CHCHD3: variants seen among roughly 807,000 people sequenced by gnomAD.
CHCHD3 encodes the protein MICOS complex subunit MIC19.
CHCHD3 carries 20 observed loss-of-function variants against 38.2 expected under a neutral mutation model. The observed-to-expected ratio is 0.52, with a 90% CI of 0.37 to 0.76. The LOEUF is 0.76. Ranked by LOEUF, CHCHD3 falls within the 30% of genes least tolerant of loss-of-function variation. The pLI is 0.00. For synonymous variants in CHCHD3, 82 were observed against 100.0 expected, an observed-to-expected ratio of 0.82 and a Z score of 1.07; for missense variants, 245 against 279.2, an observed-to-expected ratio of 0.88 and a Z score of 0.87.
chr7:133,038,811 G>A (rs1813750914), intron 2 of CHCHD3, among the ~76,000 whole-genome samples: 1 of 152,106 alleles, frequency 6.6e-6, no homozygotes, highest in Non-Finnish European at 1.5e-5. Context: ...TACATATTGG[G>A]GTGTTCTAGA....
At chr7:132,843,009 G>A (rs541384880) in intron 5 of CHCHD3, among the ~76,000 whole-genome samples, 11 of 152,244 alleles carry the variant, frequency 7.2e-5, no homozygotes, top group African/African-American at 2.6e-4. Flanking sequence ...GATTACTGTA[G>A]TGTTCTGATG....
At chr7:132,791,062 G>A (rs1806448322) in intron 7 of CHCHD3, among the ~76,000 whole-genome samples, 2 of 152,218 alleles carry the variant, frequency 1.3e-5, no homozygotes, top group South Asian at 4.1e-4. Context: ...GGACTTGGCA[G>A]GACCTCTGAA....
intron 4 of CHCHD3, among the ~76,000 whole-genome samples, chr7:132,954,590 G>A (rs1292345452): frequency 6.6e-6 from 1 of 152,040 alleles, no homozygotes; most frequent in Non-Finnish European, 1.5e-5. Context: ...CTCAACCTGG[G>A]CTGTCTTCAG....
At chr7:132,799,680 G>A (rs898413624) in intron 6 of CHCHD3, among the ~76,000 whole-genome samples, 5 of 152,144 alleles carry the variant, frequency 3.3e-5, no homozygotes, top group African/African-American at 1.2e-4. Context: ...AACATGTTTA[G>A]CAAGAAGAAA....
intron 2 of CHCHD3, among the ~76,000 whole-genome samples, 171 bp from the exon 3 acceptor site, chr7:133,024,798 C>T (rs1265807235): frequency 6.6e-6 from 1 of 152,210 alleles, no homozygotes; most frequent in East Asian, 1.9e-4. Context: ...CCAATTAGTG[C>T]ACTTCAGGAG....
intron 1 of CHCHD3, among the ~76,000 whole-genome samples, chr7:133,074,426 T>C (rs1814917133): frequency 6.6e-6 from 1 of 152,210 alleles, no homozygotes; most frequent in African/African-American, 2.4e-5. Flanking sequence ...TGCATCCTTC[T>C]AACAACTGAC....
In CHCHD3 at chr7:133,035,232, G is replaced by A; in HGVS notation, c.170-10605C>T. 1 of 1,613,732 alleles carries A rather than the reference G, an allele frequency of 6.2e-7. No homozygotes were observed. The highest frequency in any genetic ancestry group is 2.2e-5 in the East Asian group (1 of 44,872). ...CCGTGAACCCTTCTCTTTCCGTGGT[G>A]TGTCCTTTTTAGGCTGGGTCTCTGC... On this transcript the variant is annotated intron_variant, in intron 2 of 7. Transcript: ENST00000262570. The surrounding 1 kb of genome is among the most constrained non-coding windows in gnomAD (Gnocchi z 4.7).
At chr7:132,940,483 T>G (rs1196676224) in intron 4 of CHCHD3, among the ~76,000 whole-genome samples, 1 of 152,240 alleles carries the variant, frequency 6.6e-6, no homozygotes, top group Non-Finnish European at 1.5e-5. Context: ...TTTCATTCCC[T>G]GCATCCTTAC....
intron 6 of CHCHD3, among the ~76,000 whole-genome samples, chr7:132,805,344 G>T (rs969193764): frequency 4.6e-5 from 7 of 151,840 alleles, no homozygotes; most frequent in Non-Finnish European, 7.4e-5. Flanking sequence ...GTCTGGGGGG[G>T]TTCCAAGGAA....
chr7:132,947,222 T>G (rs942328098), intron 4 of CHCHD3, among the ~76,000 whole-genome samples: 8 of 151,974 alleles, frequency 5.3e-5, no homozygotes, highest in Non-Finnish European at 1.0e-4. Context: ...AGGCATAATT[T>G]TATTAAACAA....
At chr7:132,973,737 T>C in intron 4 of CHCHD3, 1 of 1,033,802 alleles carries the variant, frequency 9.7e-7, no homozygotes, top group Non-Finnish European at 1.2e-6. Flanking sequence ...CATGGGTTGG[T>C]CTTTCAGAGA....
intron 5 of CHCHD3, among the ~76,000 whole-genome samples, chr7:132,841,261 A>G (rs1807931253): frequency 6.6e-6 from 1 of 152,220 alleles, no homozygotes; most frequent in Non-Finnish European, 1.5e-5. Context: ...TCCATCTGAC[A>G]TGGGAGAAAA....
At chr7:132,904,276 A>C (rs79413796) in intron 4 of CHCHD3, among the ~76,000 whole-genome samples, 2 of 151,662 alleles carry the variant, frequency 1.3e-5, no homozygotes, top group African/African-American at 4.8e-5. Flanking sequence ...AAAAAAAAAA[A>C]CCCACAACTT....
rs540460416 is a variant in CHCHD3, at chr7:132,800,727, C to T, written c.525-4150G>A. Among the ~76,000 whole-genome samples the T allele has an allele frequency of 1.3e-4, 20 of 152,062 alleles. No individual in the cohort carries two copies. In the East Asian group the frequency reaches 3.5e-3, roughly 26 times the overall value. ...AAGGATCCTTTCCCTGTACCTGAAC[C>T]AGAAGTATGCTGAGAGAGTTCTACA... On this transcript the variant is annotated intron_variant, in intron 6 of 7. Coordinates refer to ENST00000262570, the MANE Select transcript of CHCHD3 (RefSeq NM_017812.4).
intron 4 of CHCHD3, among the ~76,000 whole-genome samples, chr7:132,897,596 C>T (rs1022912886): frequency 3.9e-5 from 6 of 152,306 alleles, no homozygotes; most frequent in Admixed American, 3.3e-4. Flanking sequence ...CAGCAGTGTA[C>T]TTCCCATTGC....
chr7:133,007,526 G>A (rs966919265), intron 3 of CHCHD3, among the ~76,000 whole-genome samples: 1 of 152,160 alleles, frequency 6.6e-6, no homozygotes, highest in South Asian at 2.1e-4. Flanking sequence ...CTAACGGAAT[G>A]GCTGGCCCCG....
chr7:132,892,580 T>C lies in CHCHD3; in HGVS notation c.370-6835A>G, dbSNP rs530518406. On this transcript the variant is annotated intron_variant, in intron 4 of 7. Transcript: ENST00000262570. The stretch of plus-strand genomic sequence containing the variant: ...TTAATCACCAAGACAATGGGGAAAA[T>C]GTCTCCAGGGCATGTCAGAGGACTT... Among the ~76,000 whole-genome samples the C allele has an allele frequency of 7.0e-4, 106 of 152,166 alleles. No homozygotes were observed. The South Asian group carries it at 0.02, about 29-fold the overall frequency.
intron 2 of CHCHD3, among the ~76,000 whole-genome samples, chr7:133,043,673 C>T (rs1246609579): frequency 1.3e-5 from 2 of 151,502 alleles, no homozygotes; most frequent in African/African-American, 4.8e-5. Flanking sequence ...AGACAAAATT[C>T]CCTTTCATGC....
At chr7:132,872,810 T>C (rs923443814) in intron 5 of CHCHD3, among the ~76,000 whole-genome samples, 11 of 152,094 alleles carry the variant, frequency 7.2e-5, no homozygotes, top group African/African-American at 1.7e-4. Context: ...AAAAATCTTT[T>C]TAAAGAGGGG....
Sources: allele counts gnomAD v4.1 joint callset (sites outside exome capture counted in the v4.1 genomes callset), GRCh38; gene constraint gnomAD v4.1.1; non-coding constraint Gnocchi (gnomAD v3.1); transcripts MANE v1.5; gene names NCBI Gene and HGNC (gene_info 2026-07-23, HGNC 2026-07-21).